ENKUR: variants seen among roughly 807,000 people sequenced by gnomAD.
ENKUR encodes enkurin, TRPC channel interacting protein.
Under a neutral mutation model 27.6 loss-of-function variants are expected in ENKUR, and 19 were observed. The ratio of observed to expected loss-of-function variants is 0.69; its 90% CI spans 0.48 to 1.01. The LOEUF is 1.01. ENKUR is among the 50% of genes least tolerant of loss of function. ENKUR has a pLI of 0.00. For synonymous variants in ENKUR, 117 were observed against 96.9 expected (o/e 1.21, Z -1.22); for missense variants, 312 against 310.5 (o/e 1.00, Z -0.04).
intron 2 of ENKUR, chr10:25,026,498 G>C (rs1003029923): frequency 1.2e-5 from 2 of 166,996 alleles, no homozygotes; most frequent in African/African-American, 4.8e-5. Flanking sequence ...TACGTAATTT[G>C]TTGTTTATTT....
intron 2 of ENKUR, among the ~76,000 whole-genome samples, chr10:25,055,866 C>T (rs1042083609): frequency 6.6e-6 from 1 of 152,208 alleles, no homozygotes; most frequent in African/African-American, 2.4e-5. Flanking sequence ...AAGCCAGCAA[C>T]TGATGCAACT....
chr10:25,033,428 A>AAAAT (rs1330786694), intron 2 of ENKUR, among the ~76,000 whole-genome samples: 2 of 144,758 alleles, frequency 1.4e-5, no homozygotes, highest in African/African-American at 5.0e-5. Context: ...AAAAAAAAAA[A>AAAAT]TCTGTGGTCC....
At chr10:25,023,814 T>C (rs1321385649) in intron 2 of ENKUR, 3 of 1,614,230 alleles carry the variant, frequency 1.9e-6, no homozygotes, top group Non-Finnish European at 2.5e-6. Context: ...AGAAGTGGTA[T>C]GATGCTCGTG....
intron 2 of ENKUR, among the ~76,000 whole-genome samples, chr10:25,041,317 G>T (rs760773888): frequency 2.0e-5 from 3 of 152,030 alleles, no homozygotes; most frequent in Non-Finnish European, 4.4e-5. Context: ...TTCAAGGGCT[G>T]TTTTCTGTGC....
At chr10:24,994,079 A>T (rs1255623499) in intron 3 of ENKUR, among the ~76,000 whole-genome samples, 1 of 152,158 alleles carries the variant, frequency 6.6e-6, no homozygotes, top group Admixed American at 6.5e-5. Flanking sequence ...TAGATTCCTG[A>T]GAAGACAGTG....
chr10:25,050,553 T>C (rs770692036), intron 2 of ENKUR, among the ~76,000 whole-genome samples: 1 of 152,178 alleles, frequency 6.6e-6, no homozygotes, highest in Non-Finnish European at 1.5e-5. Flanking sequence ...GGCTCCATGA[T>C]TCAATTACCT....
intron 2 of ENKUR, chr10:25,026,113 A>C (rs1017723538): frequency 1.9e-5 from 3 of 157,726 alleles, no homozygotes; most frequent in African/African-American, 7.2e-5. Context: ...CTCTGACCTC[A>C]GGTGATCCAT....
chr10:25,054,804 A>C (rs913373975), intron 2 of ENKUR, among the ~76,000 whole-genome samples: 1 of 150,994 alleles, frequency 6.6e-6, no homozygotes, highest in Non-Finnish European at 1.5e-5. Context: ...AGCCCCCCTC[A>C]TAGCTGGGAC....
At chr10:25,017,061 C>T (rs1013577346), upstream of ENKUR, among the ~76,000 whole-genome samples, 2 of 152,184 alleles carry the variant, frequency 1.3e-5, no homozygotes, top group Admixed American at 6.5e-5. Context: ...GGGCGGTCCT[C>T]CGGGTCGGCT....
At chr10:25,018,659 G>GTT (rs374289213), upstream of ENKUR, among the ~76,000 whole-genome samples, 6,311 of 93,212 alleles carry the variant, frequency 0.068, 359 homozygotes, top group African/African-American at 0.094. Flanking sequence ...AATGAGAGTT[G>GTT]TTTTTTTTTT....
intron 2 of ENKUR, among the ~76,000 whole-genome samples, chr10:25,041,811 A>G (rs1030537928): frequency 1.3e-5 from 2 of 152,160 alleles, no homozygotes; most frequent in African/African-American, 2.4e-5. Flanking sequence ...GAGACAGTCT[A>G]TAAGATAACT....
intron 2 of ENKUR, among the ~76,000 whole-genome samples, chr10:25,031,096 G>A (rs1391147803): frequency 6.6e-6 from 1 of 152,204 alleles, no homozygotes; most frequent in Non-Finnish European, 1.5e-5. Context: ...CAGCCTGAGT[G>A]ATAGAGTGAG....
chr10:25,010,690 C>T (rs1464206980), intron 1 of ENKUR, among the ~76,000 whole-genome samples: 16 of 141,876 alleles, frequency 1.1e-4, no homozygotes, highest in Non-Finnish European at 9.3e-5. Context: ...TGAGAACATG[C>T]GGTGTTTGGT....
chr10:25,060,254 G>A (rs1011373189), intron 2 of ENKUR, among the ~76,000 whole-genome samples: 8 of 152,118 alleles, frequency 5.3e-5, no homozygotes, highest in East Asian at 1.9e-4. Flanking sequence ...CAGACCGGGC[G>A]CCAGGCTCCT....
At position 25,027,356 on chromosome 10, in the gene ENKUR, TC is replaced by T. The variant is rs1487680782; in HGVS notation, c.38-31488del. On this transcript the variant is annotated intron_variant, in intron 2 of 5. Coordinates refer to the ENKUR transcript ENST00000615958. ...TGGGTGACAGAGCAAGACTCCCGTC[TC>T]AAAAAAAAAAAAAAAAAAAAAAAAA... 4.0e-3 allele frequency among the ~76,000 whole-genome samples: 182 copies of T among 45,726 alleles called. 14 individuals carry two copies. Among genetic ancestry groups the T allele is most frequent in the African/African-American group, 0.015 (125 of 8,342 alleles). 30.0% of individuals were successfully genotyped at this position (45,726 alleles called of 152,430 possible).
At chr10:25,056,938 T>C (rs1851264758) in intron 2 of ENKUR, among the ~76,000 whole-genome samples, 1 of 152,152 alleles carries the variant, frequency 6.6e-6, no homozygotes, top group Non-Finnish European at 1.5e-5. Flanking sequence ...CTGGAATCAA[T>C]ACCTACTGAG....
intron 2 of ENKUR, among the ~76,000 whole-genome samples, chr10:24,997,377 C>CT (rs78966878): frequency 0.034 from 4,787 of 139,094 alleles, 114 homozygotes; most frequent in Middle Eastern, 0.07. Context: ...CCCTGCATTC[C>CT]TTTTTTTTTT....
intron 1 of ENKUR, among the ~76,000 whole-genome samples, chr10:25,010,186 G>T (rs1850408702): frequency 6.6e-6 from 1 of 152,164 alleles, no homozygotes; most frequent in Non-Finnish European, 1.5e-5. Context: ...TCCAGGTTGA[G>T]GTGGTTTCAG....
chr10:25,024,604 T>G (rs1345473118), intron 2 of ENKUR: 4 of 1,614,226 alleles, frequency 2.5e-6, no homozygotes, highest in Non-Finnish European at 3.4e-6. Context: ...TACTGTGGAA[T>G]ATGGAACAAT....
Sources: allele counts gnomAD v4.1 joint callset (sites outside exome capture counted in the v4.1 genomes callset), GRCh38; gene constraint gnomAD v4.1.1; transcripts MANE v1.5; gene names NCBI Gene and HGNC (gene_info 2026-07-23, HGNC 2026-07-21).